Variants in PHF21A observed in about 807,000 individuals in gnomAD.
The protein encoded by PHF21A is PHD finger protein 21A, also known as BHC80a.
A neutral mutation model predicts 82.5 loss-of-function variants in PHF21A; 11 were observed. The ratio of observed to expected loss-of-function variants is 0.13; its 90% confidence interval spans 0.08 to 0.22. PHF21A has a LOEUF of 0.22. Among genes scored for constraint, PHF21A ranks in the 10% least tolerant of loss-of-function variants. The pLI, the probability that PHF21A is intolerant of heterozygous loss-of-function variation, is 1.00. For missense variants in PHF21A, 579 were observed against 837.8 expected (o/e 0.69, Z 3.81); for synonymous variants, 297 against 302.8 (o/e 0.98, Z 0.20).
In PHF21A at chr11:46,068,816, A is replaced by G. The variant is rs190218211; in HGVS notation, c.153+7938T>C. Among the ~76,000 whole-genome samples the G allele has an allele frequency of 5.9e-5, 9 of 152,314 alleles. 1 individual carries two copies. In the East Asian group the frequency reaches 1.7e-3, roughly 29 times the overall value. Reference sequence around the variant, plus strand: ...CACCAAAAATACGTTATTAGGATAAACTTACAAGAGGATTGCTCTGCCTTA... The same window carrying G: ...CACCAAAAATACGTTATTAGGATAAGCTTACAAGAGGATTGCTCTGCCTTA... On this transcript the variant is annotated intron_variant, in intron 6 of 18. Transcript: ENST00000676320.
At chr11:46,035,522 T>C (rs12364441) in intron 6 of PHF21A, among the ~76,000 whole-genome samples, 21,205 of 152,126 alleles carry the variant, frequency 0.14, 1,676 homozygotes, top group Non-Finnish European at 0.17. Flanking sequence ...CTGACTCTCA[T>C]TGAGTTTAAA....
intron 6 of PHF21A, among the ~76,000 whole-genome samples, chr11:46,042,001 T>G (rs997428463): frequency 3.3e-5 from 5 of 152,158 alleles, no homozygotes; most frequent in Non-Finnish European, 7.3e-5. Flanking sequence ...TATGTCTGTT[T>G]AAGTGTTAAA....
At chr11:46,010,573 G>A (rs1027189592) in intron 6 of PHF21A, among the ~76,000 whole-genome samples, 10 of 152,150 alleles carry the variant, frequency 6.6e-5, no homozygotes, top group East Asian at 5.8e-4. Flanking sequence ...ATTTGGCACC[G>A]GAGTATGCTT....
chr11:46,053,825 A>G (rs1390800883), intron 6 of PHF21A, among the ~76,000 whole-genome samples: 1 of 152,130 alleles, frequency 6.6e-6, no homozygotes, highest in Non-Finnish European at 1.5e-5. Flanking sequence ...TTTTTGTGAC[A>G]TATTTCAAAA....
intron 6 of PHF21A, among the ~76,000 whole-genome samples, chr11:45,993,784 G>C (rs1012262598): frequency 1.3e-5 from 2 of 151,734 alleles, no homozygotes; most frequent in Non-Finnish European, 2.9e-5. Context: ...CCAAGCAGGA[G>C]AGGAGCCAGT....
chr11:45,949,755 C>T (rs533150659), intron 12 of PHF21A, among the ~76,000 whole-genome samples: 1 of 152,324 alleles, frequency 6.6e-6, no homozygotes, highest in Non-Finnish European at 1.5e-5. Context: ...GATTTTTAGA[C>T]TGCTGTATAT....
At position 45,932,722 on chromosome 11, in the gene PHF21A, T is replaced by G. The variant is rs150871012; in HGVS notation, c.*1246A>C. On this transcript the variant is annotated 3_prime_UTR_variant, in exon 19 of 19. Transcript: ENST00000676320. This position sits in a 1 kb window ranked among gnomAD's most constrained non-coding sequence, Gnocchi z 4.3. ...TTTTCCTTTTTAATTTAAAAAAAAG[T>G]TTTTTTTCCCCAGATACAAAGATTT... 7.2e-5 allele frequency: 11 copies of G among 152,366 alleles called. No individual in the cohort carries two copies. The highest frequency in any genetic ancestry group is 1.2e-4 in the African/African-American group (5 of 41,332). 9.4% of individuals were successfully genotyped at this position (152,366 alleles called of 1,614,324 possible).
intron 6 of PHF21A, among the ~76,000 whole-genome samples, chr11:46,024,804 A>AG (rs1555109867): frequency 6.6e-6 from 1 of 152,172 alleles, no homozygotes; most frequent in Non-Finnish European, 1.5e-5. Context: ...CATCTCAAAA[A>AG]AAAGAAAGAA....
At chr11:45,972,724 G>A (rs1487862472) in intron 7 of PHF21A, among the ~76,000 whole-genome samples, 3 of 152,184 alleles carry the variant, frequency 2.0e-5, no homozygotes, top group Non-Finnish European at 4.4e-5. Context: ...GACCAGCCTG[G>A]CCAACATGGT....
At chr11:46,103,299 CTAAAG>C (rs1375331735) in intron 1 of PHF21A, among the ~76,000 whole-genome samples, 13 of 152,238 alleles carry the variant, frequency 8.5e-5, no homozygotes, top group African/African-American at 2.6e-4. Context: ...CTGCAAAGAG[CTAAAG>C]TAAAGAAAAC....
chr11:46,107,325 T>G (rs1421973349), intron 1 of PHF21A, among the ~76,000 whole-genome samples: 1 of 152,208 alleles, frequency 6.6e-6, no homozygotes, highest in Non-Finnish European at 1.5e-5. Context: ...TTCTTGTCTC[T>G]CAGTTTCACC....
intron 1 of PHF21A, among the ~76,000 whole-genome samples, chr11:46,104,028 G>C (rs552020299): frequency 1.3e-5 from 2 of 152,156 alleles, no homozygotes; most frequent in East Asian, 1.9e-4. Flanking sequence ...GCTCAACATA[G>C]GTAGCTTATG....
chr11:46,082,666 T>C (rs960094202), intron 4 of PHF21A, among the ~76,000 whole-genome samples: 4 of 152,186 alleles, frequency 2.6e-5, no homozygotes, highest in African/African-American at 9.6e-5. Context: ...TCAACAAATG[T>C]AAATTTAAAA....
At chr11:46,119,533 T>C (rs1566098589) in intron 1 of PHF21A, among the ~76,000 whole-genome samples, 1 of 152,098 alleles carries the variant, frequency 6.6e-6, no homozygotes, top group African/African-American at 2.4e-5. Context: ...TGCCGACCAT[T>C]AGCAGTCGTA....
intron 6 of PHF21A, among the ~76,000 whole-genome samples, chr11:46,037,668 G>T (rs1469466952): frequency 6.6e-6 from 1 of 151,084 alleles, no homozygotes; most frequent in Non-Finnish European, 1.5e-5. Context: ...AAAAAAGAGG[G>T]TGCTTATCTG....
chr11:46,120,747 TC>T (rs1853046782), intron 1 of PHF21A, among the ~76,000 whole-genome samples, 187 bp downstream of exon 1: 1 of 128,776 alleles, frequency 7.8e-6, no homozygotes, highest in Non-Finnish European at 1.7e-5. Flanking sequence ...TCCCCCTACC[TC>T]CCCCCACAAC....
intron 6 of PHF21A, among the ~76,000 whole-genome samples, chr11:46,007,184 C>T (rs139485291): frequency 1.7e-3 from 252 of 152,316 alleles, no homozygotes; most frequent in African/African-American, 5.7e-3. Flanking sequence ...TGTTCAAAAA[C>T]ATGCAAAGTG....
intron 16 of PHF21A, 31 bp downstream of exon 16, chr11:45,938,126 G>A (rs1369007086): frequency 6.5e-7 from 1 of 1,529,218 alleles, no homozygotes; most frequent in East Asian, 2.4e-5. Context: ...GTCCTCCTCG[G>A]CCCCTCCCCT....
chr11:46,030,871 T>TG (rs2095854279), intron 6 of PHF21A, among the ~76,000 whole-genome samples: 1 of 108,220 alleles, frequency 9.2e-6, no homozygotes, highest in Non-Finnish European at 2.1e-5. Flanking sequence ...GTGTGTGTGT[T>TG]TCCAGTAGCA....
Sources: allele counts gnomAD v4.1 joint callset (sites outside exome capture counted in the v4.1 genomes callset), GRCh38; gene constraint gnomAD v4.1.1; non-coding constraint Gnocchi (gnomAD v3.1); transcripts MANE v1.5; gene names NCBI Gene and HGNC (gene_info 2026-07-23, HGNC 2026-07-21).